CD163L1: variants seen among roughly 807,000 people sequenced by gnomAD.
CD163L1 encodes CD163 molecule like 1.
A neutral mutation model predicts 165.4 loss-of-function variants in CD163L1; 124 were observed. The ratio of observed to expected loss-of-function variants is 0.75; its 90% confidence interval spans 0.65 to 0.87. The LOEUF is 0.87. Ranked by LOEUF, CD163L1 falls within the 40% of genes least tolerant of loss-of-function variation. The pLI, the probability that CD163L1 is intolerant of heterozygous loss-of-function variation, is 0.00. For missense variants in CD163L1, 1,525 were observed against 1,799.9 expected, an observed-to-expected ratio of 0.85 and a Z score of 2.76; for synonymous variants, 585 against 662.2, an observed-to-expected ratio of 0.88 and a Z score of 1.79.
At chr12:7,393,371 A>G (rs1565791689) in intron 8 of CD163L1, among the ~76,000 whole-genome samples, 1 of 152,150 alleles carries the variant, frequency 6.6e-6, no homozygotes, top group Admixed American at 6.5e-5. Flanking sequence ...AAAATTTAAC[A>G]CTGCTTCATG....
At chr12:7,404,151 C>T (rs1947969073) in intron 5 of CD163L1, among the ~76,000 whole-genome samples, 1 of 151,944 alleles carries the variant, frequency 6.6e-6, no homozygotes, top group Non-Finnish European at 1.5e-5. Context: ...TTTAGCCTTA[C>T]TAAAATTTAA....
At chr12:7,345,002 G>A (rs1946659716), downstream of CD163L1, among the ~76,000 whole-genome samples, 1 of 152,154 alleles carries the variant, frequency 6.6e-6, no homozygotes, top group African/African-American at 2.4e-5. Context: ...CTGCTTCTTA[G>A]ATCTCTGAAA....
At chr12:7,397,444 G>A (rs1437765529) in intron 7 of CD163L1, among the ~76,000 whole-genome samples, 4 of 152,176 alleles carry the variant, frequency 2.6e-5, no homozygotes, top group Admixed American at 2.6e-4. Flanking sequence ...GATGTCTGCT[G>A]TCTAAGTGAG....
At chr12:7,383,270 G>A (rs1187934983) in intron 8 of CD163L1, among the ~76,000 whole-genome samples, 1 of 152,088 alleles carries the variant, frequency 6.6e-6, no homozygotes, top group East Asian at 1.9e-4. Flanking sequence ...GCACTGCTGG[G>A]TGCCACCACT....
At chr12:7,419,582 A>G (rs1049818320) in intron 4 of CD163L1, among the ~76,000 whole-genome samples, 45 of 152,226 alleles carry the variant, frequency 3.0e-4, no homozygotes, top group African/African-American at 1.1e-3. Flanking sequence ...TTGCTTGCTG[A>G]TATGATCATA....
At chr12:7,363,513 C>A (rs1378361822) in intron 18 of CD163L1, among the ~76,000 whole-genome samples, 1 of 151,572 alleles carries the variant, frequency 6.6e-6, no homozygotes, top group Non-Finnish European at 1.5e-5. Flanking sequence ...GAAAGATAAA[C>A]CAAATTGATA....
rs1057081255 is a variant in CD163L1, at chr12:7,347,230, T to C, written c.*25-83A>G. On this transcript the variant is annotated intron_variant, in intron 4 of 4. Transcript: ENST00000539726. This position sits in a 1 kb window ranked among gnomAD's most constrained non-coding sequence, Gnocchi z 4.2. ...TGCAATAGCTTTCAGTTCATTTCTC[T>C]AAAATTGTGTTTACTTAAGTTTACA... The C allele has an allele frequency of 1.3e-5, 2 of 152,218 alleles. No individual in the cohort carries two copies. Among genetic ancestry groups the C allele is most frequent in the African/African-American group, 4.8e-5 (2 of 41,462 alleles). The allele number at this position is 152,218 out of a possible 1,614,324, so 9.4% of individuals were successfully genotyped here. A position where few individuals can be genotyped will look rare whatever the true frequency, so the allele number is the denominator to read the frequency against.
At chr12:7,414,175 G>T (rs1948192957) in intron 4 of CD163L1, among the ~76,000 whole-genome samples, 1 of 152,006 alleles carries the variant, frequency 6.6e-6, no homozygotes, top group South Asian at 2.1e-4. Context: ...TCTTCTTAAA[G>T]AAACTCAATG....
chr12:7,413,482 ACC>A (rs959995374), intron 4 of CD163L1, among the ~76,000 whole-genome samples: 4 of 152,200 alleles, frequency 2.6e-5, no homozygotes, highest in Non-Finnish European at 4.4e-5. Context: ...CATTATCTCT[ACC>A]AAGAAACCTG....
At chr12:7,406,992 T>A in intron 4 of CD163L1, 140 bp from the exon 5 acceptor site, 1 of 780,848 alleles carries the variant, frequency 1.3e-6, no homozygotes, top group African/African-American at 1.8e-5. Flanking sequence ...TTTAAAATTC[T>A]TGTACAAGTT....
chr12:7,350,004 C>T (rs367848708), downstream of CD163L1, among the ~76,000 whole-genome samples: 9 of 152,200 alleles, frequency 5.9e-5, no homozygotes, highest in East Asian at 7.7e-4. Flanking sequence ...ATGCAGGACC[C>T]GGGAATAAAC....
At chr12:7,385,093 C>G (rs1947489091) in intron 8 of CD163L1, among the ~76,000 whole-genome samples, 15 of 151,778 alleles carry the variant, frequency 9.9e-5, no homozygotes, top group Admixed American at 9.8e-4. Context: ...CAAATATATG[C>G]TTCCTAGAAG....
chr12:7,438,681 T>C (rs74754250), intron 2 of CD163L1: 51,708 of 640,586 alleles, frequency 0.081, 3,078 homozygotes, highest in Admixed American at 0.24. Flanking sequence ...CCCATGGTCA[T>C]AAACACTTTC....
chr12:7,399,279 C>T, intron 6 of CD163L1, among the ~76,000 whole-genome samples: 1 of 135,402 alleles, frequency 7.4e-6, no homozygotes, highest in African/African-American at 3.1e-5. Flanking sequence ...CTTCCTTTTT[C>T]TTCTTTCCTT....
intron 4 of CD163L1, among the ~76,000 whole-genome samples, chr12:7,412,709 T>C (rs1032025663): frequency 1.3e-5 from 2 of 152,074 alleles, no homozygotes; most frequent in Non-Finnish European, 2.9e-5. Flanking sequence ...ATAAGCCAGA[T>C]GGCAGAAAGA....
intron 4 of CD163L1, among the ~76,000 whole-genome samples, chr12:7,418,576 A>G (rs1025363869): frequency 6.6e-6 from 1 of 152,106 alleles, no homozygotes; most frequent in African/African-American, 2.4e-5. Context: ...AACAAAAAAG[A>G]TGAATGAAAC....
At chr12:7,325,695 G>C in the CD163L1 span, among the ~76,000 whole-genome samples, 193 of 152,226 alleles carry the variant, frequency 1.3e-3, no homozygotes, top group Non-Finnish European at 2.1e-3. Context: ...TCCCAAACAA[G>C]TCTCATGAGC....
chr12:7,323,590 T>C, the CD163L1 span: 4 of 1,575,878 alleles, frequency 2.5e-6, no homozygotes, highest in South Asian at 2.2e-5. Context: ...TGGTCATGCT[T>C]AATACAGACT....
chr12:7,429,341 CA>C (rs1948593159), intron 4 of CD163L1, among the ~76,000 whole-genome samples: 1 of 152,006 alleles, frequency 6.6e-6, no homozygotes, highest in Non-Finnish European at 1.5e-5. Flanking sequence ...TTGTAAACCA[CA>C]AAAACATATC....
Sources: allele counts gnomAD v4.1 joint callset (sites outside exome capture counted in the v4.1 genomes callset), GRCh38; gene constraint gnomAD v4.1.1; non-coding constraint Gnocchi (gnomAD v3.1); transcripts MANE v1.5; gene names NCBI Gene and HGNC (gene_info 2026-07-23, HGNC 2026-07-21).